Variants in UTP18 observed in about 807,000 individuals in gnomAD.
UTP18 encodes U3 small nucleolar RNA-associated protein 18 homolog.
In UTP18, 36 loss-of-function variants were observed where a neutral mutation model predicts 61.1. The ratio of observed to expected loss-of-function variants is 0.59; its 90% CI spans 0.45 to 0.78. The LOEUF (loss-of-function observed/expected upper bound fraction) is 0.78, where lower values mean the gene tolerates loss of function less well. UTP18 is among the 30% of genes least tolerant of loss of function. UTP18 has a pLI of 0.00. For synonymous variants in UTP18, 282 were observed against 251.1 expected, an observed-to-expected ratio of 1.12 and a Z score of -1.16; for missense variants, 753 against 693.9, an observed-to-expected ratio of 1.09 and a Z score of -0.96.
At chr17:51,277,656 C>T (rs1331206458) in intron 7 of UTP18, among the ~76,000 whole-genome samples, 1 of 152,294 alleles carries the variant, frequency 6.6e-6, no homozygotes, top group Non-Finnish European at 1.5e-5. Context: ...ACTGTTTCAC[C>T]TCTCTGATCT....
chr17:51,277,105 A>T, intron 6 of UTP18, 25 bp from the exon 7 acceptor site: 2 of 1,607,664 alleles, frequency 1.2e-6, no homozygotes, highest in Non-Finnish European at 1.7e-6. Context: ...AATAATCAAA[A>T]GAACCATTTT....
At chr17:51,285,512 T>G in intron 10 of UTP18, 144 bp downstream of exon 10, 1 of 938,896 alleles carries the variant, frequency 1.1e-6, no homozygotes, top group Non-Finnish European at 1.5e-6. Flanking sequence ...GCTGAGCTTT[T>G]TTCATTTTAT....
At chr17:51,280,138 C>G in intron 8 of UTP18, 33 bp downstream of exon 8, 1 of 1,579,594 alleles carries the variant, frequency 6.3e-7, no homozygotes, top group African/African-American at 1.3e-5. Flanking sequence ...TGTTCTTCTC[C>G]CACAAGACAC....
chr17:51,296,296 T>G (rs1309230411), intron 12 of UTP18: 1 of 152,206 alleles, frequency 6.6e-6, no homozygotes, highest in Non-Finnish European at 1.5e-5. Flanking sequence ...TGTTTATGTT[T>G]GTATGCTTTA....
intron 6 of UTP18, among the ~76,000 whole-genome samples, chr17:51,276,646 G>A (rs892364516): frequency 2.6e-5 from 4 of 152,136 alleles, no homozygotes; most frequent in African/African-American, 9.7e-5. Context: ...CTCTGATGGG[G>A]GTATAGATGG....
chr17:51,288,658 G>A lies in UTP18; in HGVS notation c.1503+455G>A, dbSNP rs1419048568. On this transcript the variant is annotated intron_variant, in intron 11 of 13. Transcript: ENST00000225298. ...ATTTAAATAGCTAGGTAGTACCTTT[G>A]AATATACCCTTTGTGTTAGGAATCC... is the stretch of plus-strand genomic sequence containing the variant. 3 of 454,802 alleles carry A rather than the reference G, an allele frequency of 6.6e-6. No homozygotes were observed. In the East Asian group the frequency reaches 2.1e-4, roughly 32 times the overall value. 28.2% of individuals were successfully genotyped at this position (454,802 alleles called of 1,614,324 possible).
At chr17:51,271,884 T>C (rs1904542753) in intron 4 of UTP18, among the ~76,000 whole-genome samples, 1 of 152,050 alleles carries the variant, frequency 6.6e-6, no homozygotes, top group African/African-American at 2.4e-5. Context: ...GTCAGGCTGG[T>C]CTCGAACTCC....
At chr17:51,266,092 A>G (rs2055558025) in intron 2 of UTP18, 90 bp from the exon 3 acceptor site, 3 of 961,862 alleles carry the variant, frequency 3.1e-6, no homozygotes, top group Non-Finnish European at 4.4e-6. Context: ...ATATTGTTTC[A>G]TTAAACATTT....
chr17:51,275,041 T>C (rs898611268), intron 5 of UTP18, among the ~76,000 whole-genome samples: 2 of 151,108 alleles, frequency 1.3e-5, no homozygotes, highest in African/African-American at 4.9e-5. Flanking sequence ...CTACTGAAAA[T>C]ACAAAATTAG....
chr17:51,269,099 T>A (rs1904412245), intron 4 of UTP18, among the ~76,000 whole-genome samples, 195 bp downstream of exon 4: 1 of 151,650 alleles, frequency 6.6e-6, no homozygotes. Context: ...CCAGACCGGG[T>A]GACATGGCGA....
At chr17:51,290,183 AGGTGGGTGG>A (rs767790765) in intron 11 of UTP18, among the ~76,000 whole-genome samples, 21 of 152,318 alleles carry the variant, frequency 1.4e-4, no homozygotes, top group Non-Finnish European at 2.9e-4. Context: ...TGGGAGGCTG[AGGTGGGTGG>A]ATCACTTGAG....
At chr17:51,269,840 TGTG>T (rs957155604) in intron 4 of UTP18, among the ~76,000 whole-genome samples, 3 of 18,372 alleles carry the variant, frequency 1.6e-4, no homozygotes, top group East Asian at 0.012. Flanking sequence ...AATAATGTAT[TGTG>T]TGTGTGTGTG....
intron 12 of UTP18, among the ~76,000 whole-genome samples, chr17:51,295,804 A>G (rs73337641): frequency 0.029 from 4,438 of 152,104 alleles, 234 homozygotes; most frequent in African/African-American, 0.1. Flanking sequence ...ACTTTGGGTA[A>G]TTTTCTACCA....
Position 51,288,203 on chromosome 17 carries a change from G to T in UTP18, c.1503G>T (p.Leu501Phe). The T allele has an allele frequency of 6.4e-7, 1 of 1,573,296 alleles. No homozygotes were observed. Among genetic ancestry groups the T allele is most frequent in the South Asian group, 1.2e-5 (1 of 82,766 alleles). Residue 501 changes from leucine (L) to phenylalanine (F), a missense_variant and splice_region_variant, in exon 11 of 14, where the codon TTG becomes TTT. By Grantham distance (22) the Leu-to-Phe change is conservative. Transcript: ENST00000225298. Reference protein sequence around the residue: ...ASEKMKEAVRLVHLPSCTVFS... With the variant: ...ASEKMKEAVRFVHLPSCTVFS... ...AAAAAATGAAAGAAGCAGTCAGATT[G>T]GTAAATATTTCATTACCCCTTTATT...
At chr17:51,294,353 C>T (rs1905306213) in intron 12 of UTP18, among the ~76,000 whole-genome samples, 1 of 128,730 alleles carries the variant, frequency 7.8e-6, no homozygotes, top group Non-Finnish European at 1.6e-5. Context: ...TCCCCCCTCC[C>T]CTCACCCCAC....
At chr17:51,283,842 T>G (rs144001760) in intron 9 of UTP18, among the ~76,000 whole-genome samples, 230 of 152,212 alleles carry the variant, frequency 1.5e-3, no homozygotes, top group African/African-American at 5.4e-3. Context: ...CTCGAACTCC[T>G]GGCCTCAAGT....
Position 51,268,007 on chromosome 17 carries a change from G to GTTTTTTTTT in UTP18, c.555-824_555-823insTTTTTTTTT. 9.3e-4 allele frequency among the ~76,000 whole-genome samples: 121 copies of GTTTTTTTTT among 130,562 alleles called. 3 individuals carry two copies. Among genetic ancestry groups the GTTTTTTTTT allele is most frequent in the African/African-American group, 2.4e-3 (80 of 33,044 alleles). 85.7% of individuals were successfully genotyped at this position (130,562 alleles called of 152,430 possible). A position where few individuals can be genotyped will look rare whatever the true frequency, so the allele number is the denominator to read the frequency against. On this transcript the variant is annotated intron_variant, in intron 3 of 13. Coordinates refer to ENST00000225298, the MANE Select transcript of UTP18 (RefSeq NM_016001.3). ...ACCAGTTGTTGTTTTTTTGTTTTTT[G>GTTTTTTTTT]TTTTTTGTTTTTTTTTTTTTGAGAT...
chr17:51,280,090 T>G lies in UTP18; in HGVS notation c.1098T>G (p.His366Gln), dbSNP rs376872213. Reference protein sequence around the residue: ...LLINGIAGYLHLLAMKTKELI... With the variant: ...LLINGIAGYLQLLAMKTKELI... ...TAAATGGCATTGCTGGATATTTGCA[T>G]TTGCTAGCAATGAAGGTAAAGCATT... Residue 366 changes from histidine (H) to glutamine (Q), a missense_variant, in exon 8 of 14, where the codon CAT becomes CAG. Physicochemically the swap from His to Gln is conservative, Grantham distance 24. Coordinates refer to ENST00000225298, the MANE Select transcript of UTP18 (RefSeq NM_016001.3). 1.9e-5 allele frequency: 31 copies of G among 1,613,562 alleles called. No individual in the cohort carries two copies. The highest frequency in any genetic ancestry group is 2.5e-5 in the Non-Finnish European group (30 of 1,179,700).
At chr17:51,296,815 T>G in intron 12 of UTP18, 150 bp from the exon 13 acceptor site, 2 of 642,930 alleles carry the variant, frequency 3.1e-6, no homozygotes, top group East Asian at 3.0e-5. Flanking sequence ...AATGTCAGAT[T>G]GAGGAGTCTG....
Sources: gnomAD v4.1 joint callset for allele counts (sites outside exome capture counted in the v4.1 genomes callset) on GRCh38, gnomAD v4.1.1 for gene constraint, MANE v1.5 for transcripts, NCBI Gene and HGNC (gene_info 2026-07-23, HGNC 2026-07-21) for gene names.